Variants in GREM2 observed in about 807,000 individuals in gnomAD.
GREM2 encodes gremlin-2.
A neutral mutation model predicts 14.2 loss-of-function variants in GREM2; 11 were observed. The observed-to-expected ratio is 0.78, with a 90% CI of 0.49 to 1.28. GREM2 has a LOEUF of 1.28. Among genes scored for constraint, GREM2 ranks in the 50% most tolerant of loss-of-function variants. The probability of loss-of-function intolerance (pLI) is 0.00; values close to 1 mark genes in which losing one functional copy is unlikely to be tolerated. For synonymous variants in GREM2, 98 were observed against 97.6 expected, an observed-to-expected ratio of 1.00 and a Z score of -0.02; for missense variants, 210 against 218.5, an observed-to-expected ratio of 0.96 and a Z score of 0.24.
At chr1:240,533,018 T>C (rs1678398339) in intron 1 of GREM2, among the ~76,000 whole-genome samples, 1 of 152,212 alleles carries the variant, frequency 6.6e-6, no homozygotes, top group Non-Finnish European at 1.5e-5. Context: ...CTGTAATTGA[T>C]ATTGCGATAC....
chr1:240,529,911 C>T (rs1649063909), intron 1 of GREM2, among the ~76,000 whole-genome samples: 2 of 152,090 alleles, frequency 1.3e-5, no homozygotes, highest in African/African-American at 4.8e-5. Context: ...CTTACTTTCA[C>T]CACTTGAGGA....
intron 1 of GREM2, among the ~76,000 whole-genome samples, chr1:240,606,485 T>G (rs1352108918): frequency 6.6e-6 from 1 of 152,282 alleles, no homozygotes; most frequent in African/African-American, 2.4e-5. Flanking sequence ...CAAACACCAC[T>G]GTAATCATTA....
intron 1 of GREM2, among the ~76,000 whole-genome samples, chr1:240,573,956 C>G (rs1679308152): frequency 1.3e-5 from 2 of 152,124 alleles, no homozygotes; most frequent in African/African-American, 4.8e-5. Flanking sequence ...CTCTCACACT[C>G]TCGCCCTGGC....
intron 1 of GREM2, among the ~76,000 whole-genome samples, chr1:240,496,256 C>G (rs925262192): frequency 6.6e-6 from 1 of 152,108 alleles, no homozygotes. Context: ...CAGGGTCGGA[C>G]GAGCCTTTAC....
At chr1:240,500,370 C>T (rs187805841) in intron 1 of GREM2, among the ~76,000 whole-genome samples, 2 of 151,858 alleles carry the variant, frequency 1.3e-5, no homozygotes, top group East Asian at 1.9e-4. Flanking sequence ...GCGATCTTGG[C>T]TCACTGCAAG....
intron 1 of GREM2, among the ~76,000 whole-genome samples, chr1:240,574,048 G>A (rs1572405140): frequency 6.6e-6 from 1 of 152,040 alleles, no homozygotes; most frequent in East Asian, 1.9e-4. Flanking sequence ...AGCCTCCCAA[G>A]TAGCTGGGAT....
chr1:240,602,839 C>T lies in GREM2; in HGVS notation c.-2+9045G>A, dbSNP rs189973803. ...AAAAAAATCCAGCACTTTGGGAGGC[C>T]GAGGCAGGCGGATCACGAGGTCAGG... On this transcript the variant is annotated intron_variant, in intron 1 of 1. Transcript: ENST00000318160. Among the ~76,000 whole-genome samples the T allele has an allele frequency of 5.3e-4, 80 of 151,366 alleles. No homozygotes were observed. In the East Asian group the frequency reaches 0.014, roughly 26 times the overall value.
intron 1 of GREM2, among the ~76,000 whole-genome samples, chr1:240,583,443 G>T (rs1229560074): frequency 6.6e-6 from 1 of 152,084 alleles, no homozygotes; most frequent in African/African-American, 2.4e-5. Flanking sequence ...AAATGTACAC[G>T]ATGTCAGTGC....
At position 240,492,942 on chromosome 1, in the gene GREM2, G is replaced by A. The variant is rs772429310; in HGVS notation, c.*27C>T. On this transcript the variant is annotated 3_prime_UTR_variant, in exon 2 of 2. Transcript: ENST00000318160. ...CGCCACCCAGCGGCCGGGCGCGCGC[G>A]GGGCTGAGCTGCGTCCGGCCCGGCG... The A allele has an allele frequency of 6.3e-6, 9 of 1,434,128 alleles. No homozygotes were observed. The highest frequency in any genetic ancestry group is 1.5e-5 in the African/African-American group (1 of 68,062). The allele number at this position is 1,434,128 out of a possible 1,614,324, so 88.8% of individuals were successfully genotyped here. A position where few individuals can be genotyped will look rare whatever the true frequency, so the allele number is the denominator to read the frequency against.
At chr1:240,600,646 G>C (rs930223893) in intron 1 of GREM2, among the ~76,000 whole-genome samples, 5 of 152,048 alleles carry the variant, frequency 3.3e-5, no homozygotes, top group African/African-American at 1.2e-4. Context: ...ACCGCACACG[G>C]CTAAGATTTG....
At chr1:240,558,669 C>T (rs1384379004) in intron 1 of GREM2, among the ~76,000 whole-genome samples, 1 of 151,942 alleles carries the variant, frequency 6.6e-6, no homozygotes, top group Admixed American at 6.6e-5. Context: ...TTGGTTAGAC[C>T]AGCAGTTCTC....
chr1:240,607,367 CA>C (rs1288851877), intron 1 of GREM2, among the ~76,000 whole-genome samples: 6 of 151,462 alleles, frequency 4.0e-5, no homozygotes, highest in South Asian at 2.1e-4. Context: ...TCTTCTAGGT[CA>C]AAAAAAGTCT....
At chr1:240,603,781 T>C (rs1679973095) in intron 1 of GREM2, among the ~76,000 whole-genome samples, 2 of 151,984 alleles carry the variant, frequency 1.3e-5, no homozygotes, top group African/African-American at 4.8e-5. Context: ...ACATATATGT[T>C]ATTGTGTTAT....
intron 1 of GREM2, among the ~76,000 whole-genome samples, chr1:240,585,197 G>C (rs922923427): frequency 6.6e-6 from 1 of 152,058 alleles, no homozygotes; most frequent in East Asian, 1.9e-4. Flanking sequence ...ATAAGCACAT[G>C]TCAGGGCCAA....
At chr1:240,571,317 C>T (rs1679256860) in intron 1 of GREM2, among the ~76,000 whole-genome samples, 1 of 152,146 alleles carries the variant, frequency 6.6e-6, no homozygotes. Context: ...ATCTGTAAAA[C>T]AAGAAAGGTT....
At chr1:240,536,333 G>A (rs1678468015) in intron 1 of GREM2, among the ~76,000 whole-genome samples, 1 of 152,182 alleles carries the variant, frequency 6.6e-6, no homozygotes, top group Non-Finnish European at 1.5e-5. Flanking sequence ...TAATTAAATG[G>A]GAAGAAAGGG....
At chr1:240,526,284 A>T (rs1051820250) in intron 1 of GREM2, among the ~76,000 whole-genome samples, 8 of 152,174 alleles carry the variant, frequency 5.3e-5, no homozygotes, top group Non-Finnish European at 7.3e-5. Flanking sequence ...AGACATTAGG[A>T]GTCTATTTTA....
At chr1:240,529,071 G>T (rs1392526055) in intron 1 of GREM2, among the ~76,000 whole-genome samples, 1 of 152,058 alleles carries the variant, frequency 6.6e-6, no homozygotes, top group Non-Finnish European at 1.5e-5. Flanking sequence ...GAACCTTCTA[G>T]CCTTCATTCA....
chr1:240,497,143 A>C (rs1677442466), intron 1 of GREM2, among the ~76,000 whole-genome samples: 1 of 152,202 alleles, frequency 6.6e-6, no homozygotes, highest in Non-Finnish European at 1.5e-5. Flanking sequence ...TTTAGGAAGA[A>C]TGGCCTGGGT....
Sources: allele counts gnomAD v4.1 joint callset (sites outside exome capture counted in the v4.1 genomes callset), GRCh38; gene constraint gnomAD v4.1.1; transcripts MANE v1.5; gene names NCBI Gene and HGNC (gene_info 2026-07-23, HGNC 2026-07-21).